The following NUDT17 variants were observed in gnomAD, a reference collection of about 807,000 sequenced individuals.
The protein encoded by NUDT17 is m7GpppN-mRNA hydrolase NUDT17.
In NUDT17, 38 loss-of-function variants were observed where a neutral mutation model predicts 38.6. That is an observed-to-expected ratio of 0.98 (90% CI 0.76 to 1.29). NUDT17 has a LOEUF of 1.29. NUDT17 is among the 50% of genes most tolerant of loss of function. NUDT17 has a pLI of 0.00. For missense variants in NUDT17, 462 were observed against 415.2 expected (o/e 1.11, Z -0.98); for synonymous variants, 192 against 167.8 (o/e 1.14, Z -1.11).
Position 145,847,181 on chromosome 1 carries a change from C to T in NUDT17, c.496-69C>T, listed in dbSNP as rs587677763. On this transcript the variant is annotated intron_variant, in intron 4 of 7. Transcript: ENST00000334513. ...TGCATGCCAGCCTGGGCGACAAGAG[C>T]GAAACTCCATCTTAAAAAAAAAAAA... is the stretch of plus-strand genomic sequence containing the variant. The T allele has an allele frequency of 1.1e-4, 101 of 924,416 alleles. No individual in the cohort carries two copies. The South Asian group carries it at 1.1e-3, about 10-fold the overall frequency. 57.3% of individuals were successfully genotyped at this position (924,416 alleles called of 1,614,324 possible).
chr1:145,847,173 G>T, intron 4 of NUDT17, 77 bp from the exon 5 acceptor site: 1 of 828,610 alleles, frequency 1.2e-6, no homozygotes, highest in Admixed American at 2.4e-5. Flanking sequence ...CAGCCTGGGC[G>T]ACAAGAGCGA....
Position 145,845,813 on chromosome 1 carries a change from C to G in NUDT17, c.173C>G (p.Ser58Cys). 3 of 1,597,096 alleles carry G rather than the reference C, an allele frequency of 1.9e-6. No homozygotes were observed. The highest frequency in any genetic ancestry group is 2.6e-6 in the Non-Finnish European group (3 of 1,172,690). ...VLSSRPFPGASARLPLQRPPF... is the reference protein window; with the variant it reads ...VLSSRPFPGACARLPLQRPPF... ...TCGAGCAGGCCCTTCCCAGGCGCCT[C>G]CGCTAGGCTTCCGCTCCAGGTCGGC... The change falls in exon 1 of 8, where the codon TCC (serine) becomes TGC (cysteine). Residue 58 changes from serine (S) to cysteine (C), a missense_variant. Coordinates refer to ENST00000334513, the MANE Select transcript of NUDT17 (RefSeq NM_001012758.3).
Position 145,848,204 on chromosome 1 carries a change from A to G in NUDT17, c.824A>G (p.Lys275Arg). ...LRMIPTMAED[K>R]ERVSTGTKFA... is the part of the protein sequence containing the mutation. ...ATGATCCCAACCATGGCAGAGGACA[A>G]AGAGAGAGTCAGCACTGGAACCAAG... The change falls in exon 7 of 8, where the codon AAA (lysine) becomes AGA (arginine). Residue 275 changes from lysine to arginine, a missense_variant. Coordinates refer to ENST00000334513, the MANE Select transcript of NUDT17 (RefSeq NM_001012758.3). The G allele has an allele frequency of 1.2e-6, 2 of 1,614,192 alleles. No individual in the cohort carries two copies. Among genetic ancestry groups the G allele is most frequent in the Non-Finnish European group, 1.7e-6 (2 of 1,180,030 alleles).
rs1652775409 is a variant in NUDT17, at chr1:145,847,695, C to G, written c.707C>G (p.Pro236Arg). ...GGGACAGAGACACCCGGACTTCTCC[C>G]CCAGGACCTACCACCCTCTGTCCTG... is the stretch of plus-strand genomic sequence containing the variant. The part of the protein sequence containing the change: ...EDGTETPGLL[P>R]QDLPPSVLAV... Residue 236 changes from proline (P) to arginine (R), a missense_variant, in exon 6 of 8, where the codon CCC becomes CGC. Physicochemically the swap from Pro to Arg is moderately radical, Grantham distance 103. Coordinates refer to ENST00000334513, the MANE Select transcript of NUDT17 (RefSeq NM_001012758.3). The G allele has an allele frequency of 6.2e-7, 1 of 1,614,128 alleles. No homozygotes were observed. The highest frequency in any genetic ancestry group is 8.5e-7 in the Non-Finnish European group (1 of 1,180,020).
chr1:145,846,477 C>G lies in NUDT17; in HGVS notation c.402+19C>G. 1.2e-6 allele frequency: 2 copies of G among 1,611,414 alleles called. No individual in the cohort carries two copies. Among genetic ancestry groups the G allele is most frequent in the African/African-American group, 2.7e-5 (2 of 75,010 alleles). ...GGAGGAGGTAACCAGTCAGCTGATC[C>G]AACCTGAGCCAAGAGACCCATGCCT... is the stretch of plus-strand genomic sequence containing the variant. On this transcript the variant is annotated intron_variant, in intron 3 of 7. Coordinates refer to ENST00000334513, the MANE Select transcript of NUDT17 (RefSeq NM_001012758.3).
intron 5 of NUDT17, 71 bp from the exon 6 acceptor site, chr1:145,847,497 TCCATGAAACCTGCGG>T: frequency 1.3e-6 from 2 of 1,568,018 alleles, no homozygotes; most frequent in Non-Finnish European, 8.8e-7. Context: ...CCTGCCTTTC[TCCATGAAACCTGCGG>T]GTAGGTTTTG....
rs1553733196 is a variant in NUDT17, at chr1:145,848,259, G to A, written c.879G>A (p.Leu293=). ...KFALKLWLQH[L]GRTPPPCKSA... is the part of the protein sequence containing the mutation. The stretch of plus-strand genomic sequence containing the variant: ...CCCTCAAGCTCTGGCTGCAACATCT[G>A]GGCAGGTAAAAGTGAAAAAGGACTG... The change falls in exon 7 of 8, where the codon CTG becomes CTA. Residue 293 remains leucine (L), a synonymous_variant. Transcript: ENST00000334513. 4 of 1,614,170 alleles carry A rather than the reference G, an allele frequency of 2.5e-6. No homozygotes were observed. Among genetic ancestry groups the A allele is most frequent in the East Asian group, 4.5e-5 (2 of 44,886 alleles).
chr1:145,847,691 C>T lies in NUDT17; in HGVS notation c.703C>T (p.Leu235Phe). The T allele has an allele frequency of 6.2e-7, 1 of 1,614,132 alleles. No homozygotes were observed. The highest frequency in any genetic ancestry group is 1.7e-4 in the Middle Eastern group (1 of 6,058). ...GGATGGGACAGAGACACCCGGACTT[C>T]TCCCCCAGGACCTACCACCCTCTGT... ...AEDGTETPGL[L>F]PQDLPPSVLA... is the part of the protein sequence containing the mutation. Residue 235 changes from leucine to phenylalanine, a missense_variant, in exon 6 of 8, where the codon CTC (leucine) becomes TTC (phenylalanine). Physicochemically the swap from Leu to Phe is conservative, Grantham distance 22. Coordinates refer to ENST00000334513, the MANE Select transcript of NUDT17 (RefSeq NM_001012758.3).
In NUDT17 at chr1:145,845,652, G is replaced by T; in HGVS notation, c.12G>T (p.Val4=). 1.3e-6 allele frequency: 2 copies of T among 1,520,470 alleles called. No homozygotes were observed. The highest frequency in any genetic ancestry group is 8.9e-7 in the Non-Finnish European group (1 of 1,125,746). The allele number at this position is 1,520,470 out of a possible 1,614,324, so 94.2% of individuals were successfully genotyped here. ...TCCAGAGTCGCGTTATGGCCGAGGTGCGGGTGCAGCTGCTCCTGTCCCGGC... is the reference window on the plus strand; with the variant it reads ...TCCAGAGTCGCGTTATGGCCGAGGTTCGGGTGCAGCTGCTCCTGTCCCGGC... MAE[V]RVQLLLSRRP... is the part of the protein sequence containing the mutation. The change falls in exon 1 of 8, where the codon GTG becomes GTT. Residue 4 remains valine (V), a synonymous_variant. Transcript: ENST00000334513.
In NUDT17 at chr1:145,846,697, C is replaced by A; in HGVS notation, c.495+7C>A. On this transcript the variant is annotated splice_region_variant and intron_variant, in intron 4 of 7. Transcript: ENST00000334513. Reference sequence around the variant, plus strand: ...CCCTCTGGGTTTATGGGAGGTGAGACAAGTAGCTGGGAGAAGCTCCTCCAT... The same window carrying A: ...CCCTCTGGGTTTATGGGAGGTGAGAAAAGTAGCTGGGAGAAGCTCCTCCAT... 1.3e-6 allele frequency: 2 copies of A among 1,595,108 alleles called. No homozygotes were observed. Among genetic ancestry groups the A allele is most frequent in the Non-Finnish European group, 8.6e-7 (1 of 1,162,658 alleles).
rs782578827 is a variant in NUDT17, at chr1:145,847,257, AC to A, written c.506del (p.Pro169LeufsTer4). 2 of 1,593,000 alleles carry A rather than the reference AC, an allele frequency of 1.3e-6. No individual in the cohort carries two copies. The highest frequency in any genetic ancestry group is 1.7e-6 in the Non-Finnish European group (2 of 1,166,286). On this transcript the variant is annotated frameshift_variant, in exon 5 of 8. Coordinates refer to ENST00000334513, the MANE Select transcript of NUDT17 (RefSeq NM_001012758.3). LOFTEE classifies it high-confidence loss of function. The part of the protein sequence containing the change: ...WVPLGLWESA[Y>X]PPRLSWGLPK... The stretch of plus-strand genomic sequence containing the variant: ...GCTGTTTTCTTTTCCTAGTCTGCCT[AC>A]CCTCCTAGGCTGAGCTGGGGTTTAC...
rs782211596 is a variant in NUDT17 at position 145,845,964 on chromosome 1, C to T, written c.193-49C>T. Reference sequence around the variant, plus strand: ...CCCCATTTTTGGAAGTCACGCCCACCCAGTGCCGCCCTTCTGAAGCCTTAA... The same window carrying T: ...CCCCATTTTTGGAAGTCACGCCCACTCAGTGCCGCCCTTCTGAAGCCTTAA... On this transcript the variant is annotated intron_variant, in intron 1 of 7. Transcript: ENST00000334513. The T allele has an allele frequency of 4.5e-6, 7 of 1,555,470 alleles. No homozygotes were observed. In the Admixed American group the frequency reaches 1.2e-4, roughly 26 times the overall value.
chr1:145,847,168 T>C, intron 4 of NUDT17, 82 bp from the exon 5 acceptor site: 1 of 795,344 alleles, frequency 1.3e-6, no homozygotes, highest in Non-Finnish European at 2.1e-6. Context: ...CATGCCAGCC[T>C]GGGCGACAAG....
chr1:145,848,183 T>C lies in NUDT17; in HGVS notation c.803T>C (p.Ile268Thr). The change falls in exon 7 of 8, where the codon ATC (isoleucine) becomes ACC (threonine). Residue 268 changes from isoleucine to threonine, a missense_variant. Ile to Thr is a moderately conservative substitution (Grantham distance 89). Coordinates refer to ENST00000334513, the MANE Select transcript of NUDT17 (RefSeq NM_001012758.3). ...CACATGTCCACCCTCCTGCGGATGA[T>C]CCCAACCATGGCAGAGGACAAAGAG... ...VLHMSTLLRMIPTMAEDKERV... is the reference protein window; with the variant it reads ...VLHMSTLLRMTPTMAEDKERV... 1 of 1,614,180 alleles carries C rather than the reference T, an allele frequency of 6.2e-7. No homozygotes were observed. Among genetic ancestry groups the C allele is most frequent in the Non-Finnish European group, 8.5e-7 (1 of 1,180,020 alleles).
chr1:145,845,741 G>C lies in NUDT17; in HGVS notation c.101G>C (p.Gly34Ala), dbSNP rs1652613904. 1.3e-6 allele frequency: 2 copies of C among 1,567,702 alleles called. No individual in the cohort carries two copies. The highest frequency in any genetic ancestry group is 1.7e-6 in the Non-Finnish European group (2 of 1,156,604). ...CGLLGAGPGL[G>A]TWPIHCSLKR... ...CTCCTGGGAGCCGGACCAGGGCTCG[G>C]GACGTGGCCCATTCACTGCAGCTTG... is the stretch of plus-strand genomic sequence containing the variant. The change falls in exon 1 of 8, where the codon GGG (glycine) becomes GCG (alanine). Residue 34 changes from glycine (G) to alanine (A), a missense_variant. Physicochemically the swap from Gly to Ala is moderately conservative, Grantham distance 60 (BLOSUM62 0). Coordinates refer to ENST00000334513, the MANE Select transcript of NUDT17 (RefSeq NM_001012758.3).
chr1:145,847,669 T>C lies in NUDT17; in HGVS notation c.681T>C (p.Asp227=). The part of the protein sequence containing the change: ...DVAAAVAAAE[D]GTETPGLLPQ... ...CTGCTGCAGTGGCTGCCGCAGAGGA[T>C]GGGACAGAGACACCCGGACTTCTCC... Residue 227 remains aspartate, a synonymous_variant, in exon 6 of 8, where the codon GAT becomes GAC. Coordinates refer to ENST00000334513, the MANE Select transcript of NUDT17 (RefSeq NM_001012758.3). The C allele has an allele frequency of 6.2e-7, 1 of 1,614,078 alleles. No individual in the cohort carries two copies. Among genetic ancestry groups the C allele is most frequent in the East Asian group, 2.2e-5 (1 of 44,872 alleles).
chr1:145,847,366 G>C lies in NUDT17; in HGVS notation c.594+18G>C, dbSNP rs1553732822. 1.9e-6 allele frequency: 3 copies of C among 1,587,748 alleles called. No homozygotes were observed. On this transcript the variant is annotated intron_variant, in intron 5 of 7. Coordinates refer to ENST00000334513, the MANE Select transcript of NUDT17 (RefSeq NM_001012758.3). Reference sequence around the variant, plus strand: ...AGTTGCAGGTAGGGCTGGCAGTGAGGGAAGGAAACAGGGCTCAGGGGAGCC... The same window carrying C: ...AGTTGCAGGTAGGGCTGGCAGTGAGCGAAGGAAACAGGGCTCAGGGGAGCC...
Position 145,846,098 on chromosome 1 carries a change from T to G in NUDT17, c.278T>G (p.Leu93Arg), listed in dbSNP as rs1652649009. Residue 93 changes from leucine (L) to arginine (R), a missense_variant, in exon 2 of 8, where the codon CTG (leucine) becomes CGG (arginine). Transcript: ENST00000334513. ...CTGCCCACAGATCGAGGTGTGGACC[T>G]GGGTGTGGCCGTCATTCTGCAGTCC... ...AELPTDRGVD[L>R]GVAVILQSSD... is the part of the protein sequence containing the mutation. The G allele has an allele frequency of 6.2e-7, 1 of 1,603,774 alleles. No individual in the cohort carries two copies.
Position 145,847,585 on chromosome 1 carries a change from C to G in NUDT17, c.597C>G (p.Ala199=). 6.2e-7 allele frequency: 1 copy of G among 1,612,988 alleles called. No individual in the cohort carries two copies. The highest frequency in any genetic ancestry group is 8.5e-7 in the Non-Finnish European group (1 of 1,179,994). Residue 199 remains alanine, a splice_region_variant and synonymous_variant, in exon 6 of 8, where the codon GCC becomes GCG. Coordinates refer to ENST00000334513, the MANE Select transcript of NUDT17 (RefSeq NM_001012758.3). The stretch of plus-strand genomic sequence containing the variant: ...GGGGTCACCATGTCTGACCCCAGGC[C>G]CGGATCCAACCAAACCCAAATGAGG... ...ISQESQQQLQ[A]RIQPNPNEVS... is the part of the protein sequence containing the mutation.
Sources: gnomAD v4.1 joint callset for allele counts on GRCh38, gnomAD v4.1.1 for gene constraint, MANE v1.5 for transcripts, NCBI Gene and HGNC (gene_info 2026-07-23, HGNC 2026-07-21) for gene names.